INTS4: variants seen among roughly 807,000 people sequenced by gnomAD.
The protein encoded by INTS4 is integrator complex subunit 4, also known as MSTP093.
In INTS4, 70 loss-of-function variants were observed where a neutral mutation model predicts 119.5. That is an observed-to-expected ratio of 0.59 (90% confidence interval 0.48 to 0.71). The LOEUF (loss-of-function observed/expected upper bound fraction) is 0.71, where lower values mean the gene tolerates loss of function less well. Among genes scored for constraint, INTS4 ranks in the 30% least tolerant of loss-of-function variants. The probability of loss-of-function intolerance (pLI) is 0.00; values close to 1 mark genes in which losing one functional copy is unlikely to be tolerated. For synonymous variants in INTS4, 316 were observed against 419.6 expected (o/e 0.75, Z 3.02); for missense variants, 867 against 1,173.2 (o/e 0.74, Z 3.81).
Position 77,938,828 on chromosome 11 carries a change from G to C in INTS4, c.991-3C>G. ...CGCTCATGTGCAGTACGTTTCCTCT[G>C]CAGAGGACAACAACAATTACCAATT... On this transcript the variant is annotated splice_polypyrimidine_tract_variant and splice_region_variant and intron_variant, in intron 9 of 22. Coordinates refer to ENST00000534064, the MANE Select transcript of INTS4 (RefSeq NM_033547.4). 6.2e-7 allele frequency: 1 copy of C among 1,606,784 alleles called. No homozygotes were observed. Among genetic ancestry groups the C allele is most frequent in the South Asian group, 1.1e-5 (1 of 89,980 alleles).
chr11:77,894,936 A>G (rs1272171011), intron 18 of INTS4, among the ~76,000 whole-genome samples: 2 of 152,224 alleles, frequency 1.3e-5, no homozygotes, highest in South Asian at 2.1e-4. Context: ...TTTTTTCCAT[A>G]GCGGTATAGC....
At chr11:77,887,534 G>C (rs143581164) in intron 21 of INTS4, among the ~76,000 whole-genome samples, 57,580 of 151,688 alleles carry the variant, frequency 0.38, 11,350 homozygotes, top group African/African-American at 0.46. Context: ...CCCTCTCTCA[G>C]CACTCCTATT....
At chr11:77,903,500 G>A (rs760451108) in intron 17 of INTS4, 40 bp downstream of exon 17, 2 of 1,607,350 alleles carry the variant, frequency 1.2e-6, no homozygotes, top group East Asian at 2.2e-5. Context: ...ACAATTACTG[G>A]ACAGAGACCT....
chr11:77,980,004 GAA>G lies in INTS4; in HGVS notation c.365-904_365-903del, dbSNP rs71046935. Among the ~76,000 whole-genome samples the G allele has an allele frequency of 5.8e-5, 8 of 138,282 alleles. No homozygotes were observed. The South Asian group carries it at 1.1e-3, about 20-fold the overall frequency. The allele number at this position is 138,282 out of a possible 152,430, so 90.7% of individuals were successfully genotyped here. A position where few individuals can be genotyped will look rare whatever the true frequency, so the allele number is the denominator to read the frequency against. Reference sequence around the variant, plus strand: ...AAAAAAAAAAAAAAAAGAAGAAACAGAAAAAAAAAAAAGTTTTCCATTGCCTT... The same window carrying G: ...AAAAAAAAAAAAAAAAGAAGAAACAGAAAAAAAAAAGTTTTCCATTGCCTT... On this transcript the variant is annotated intron_variant, in intron 3 of 22. Transcript: ENST00000534064.
intron 10 of INTS4, among the ~76,000 whole-genome samples, chr11:77,930,657 A>C (rs1239274050): frequency 1.3e-5 from 2 of 152,202 alleles, no homozygotes; most frequent in African/African-American, 4.8e-5. Flanking sequence ...ATAAGCAAGA[A>C]AATTGATATT....
At chr11:77,904,390 CTAAGT>C (rs1436210611) in intron 16 of INTS4, among the ~76,000 whole-genome samples, 3 of 152,164 alleles carry the variant, frequency 2.0e-5, no homozygotes, top group South Asian at 2.1e-4. Flanking sequence ...GATACAAAGA[CTAAGT>C]TAATTTTTTA....
At chr11:77,965,995 C>A (rs1565278457) in intron 4 of INTS4, among the ~76,000 whole-genome samples, 1 of 152,118 alleles carries the variant, frequency 6.6e-6, no homozygotes, top group Non-Finnish European at 1.5e-5. Context: ...TATTGTTCAT[C>A]TTTTTTATAA....
chr11:77,964,932 T>C (rs1337485793), intron 4 of INTS4, among the ~76,000 whole-genome samples: 2 of 152,222 alleles, frequency 1.3e-5, no homozygotes, highest in African/African-American at 4.8e-5. Flanking sequence ...ATTATAGTCA[T>C]AGTTATATAT....
chr11:77,912,525 T>C (rs1191673031), intron 15 of INTS4, among the ~76,000 whole-genome samples: 1 of 152,232 alleles, frequency 6.6e-6, no homozygotes, highest in African/African-American at 2.4e-5. Context: ...TTTTTAAGTT[T>C]ACACAATAGG....
At chr11:77,925,439 T>TA (rs1953473681) in intron 11 of INTS4, among the ~76,000 whole-genome samples, 1 of 152,218 alleles carries the variant, frequency 6.6e-6, no homozygotes, top group Non-Finnish European at 1.5e-5. Context: ...ATGGCACCGA[T>TA]AGACTTGCTC....
At chr11:77,898,653 C>G (rs1952637520) in intron 18 of INTS4, among the ~76,000 whole-genome samples, 1 of 152,110 alleles carries the variant, frequency 6.6e-6, no homozygotes, top group Admixed American at 6.5e-5. Flanking sequence ...AACAGTATTA[C>G]TAAAACTAAT....
intron 7 of INTS4, among the ~76,000 whole-genome samples, chr11:77,956,661 A>G (rs1183365855): frequency 6.6e-6 from 1 of 150,958 alleles, no homozygotes; most frequent in Non-Finnish European, 1.5e-5. Flanking sequence ...GATCCAAGAT[A>G]GTGCCACTAC....
intron 11 of INTS4, among the ~76,000 whole-genome samples, chr11:77,926,644 T>TA (rs200466055): frequency 2.3e-4 from 33 of 145,904 alleles, no homozygotes; most frequent in South Asian, 8.7e-4. Context: ...CGATCTCTAC[T>TA]AAAAAAAAAA....
intron 22 of INTS4, among the ~76,000 whole-genome samples, chr11:77,880,857 AC>A (rs1951763877): frequency 6.6e-6 from 1 of 152,076 alleles, no homozygotes; most frequent in South Asian, 2.1e-4. Flanking sequence ...GGTGGGAGGA[AC>A]CACTTGAGCC....
At chr11:77,876,591 T>A (rs1422056634), downstream of INTS4, among the ~76,000 whole-genome samples, 2 of 152,140 alleles carry the variant, frequency 1.3e-5, no homozygotes, top group African/African-American at 4.8e-5. Flanking sequence ...CCCAAACTCA[T>A]CTAGCCTGGA....
intron 4 of INTS4, among the ~76,000 whole-genome samples, chr11:77,975,830 C>G (rs987469771): frequency 6.6e-6 from 1 of 151,998 alleles, no homozygotes; most frequent in Non-Finnish European, 1.5e-5. Context: ...GTGGCACGCA[C>G]CTGTAGTCCC....
chr11:77,892,602 A>T (rs1472856132), intron 19 of INTS4, among the ~76,000 whole-genome samples: 2 of 152,240 alleles, frequency 1.3e-5, no homozygotes, highest in African/African-American at 4.8e-5. Flanking sequence ...TTTCTTTTTG[A>T]GAAGGAGTCT....
intron 15 of INTS4, among the ~76,000 whole-genome samples, chr11:77,909,670 C>T (rs1010256320): frequency 2.6e-5 from 4 of 152,288 alleles, no homozygotes; most frequent in Non-Finnish European, 5.9e-5. Flanking sequence ...TTGTGAAAAG[C>T]ATCCTAACTG....
chr11:77,974,177 T>C (rs1855849350), intron 4 of INTS4, among the ~76,000 whole-genome samples: 1 of 151,924 alleles, frequency 6.6e-6, no homozygotes, highest in African/African-American at 2.4e-5. Flanking sequence ...AGTTTTTGTC[T>C]TTCTAATAAT....
Sources: allele counts gnomAD v4.1 joint callset (sites outside exome capture counted in the v4.1 genomes callset), GRCh38; gene constraint gnomAD v4.1.1; transcripts MANE v1.5; gene names NCBI Gene and HGNC (gene_info 2026-07-23, HGNC 2026-07-21).